Variants in EIF4G3 observed in about 807,000 individuals in gnomAD.
The protein encoded by EIF4G3 is eIF-4-gamma 3.
Under a neutral mutation model 186.4 loss-of-function variants are expected in EIF4G3, and 34 were observed. The ratio of observed to expected loss-of-function variants is 0.18; its 90% confidence interval spans 0.14 to 0.24. The LOEUF is 0.24. Among genes scored for constraint, EIF4G3 ranks in the 10% least tolerant of loss-of-function variants. The pLI, the probability that EIF4G3 is intolerant of heterozygous loss-of-function variation, is 1.00. For missense variants in EIF4G3, 1,536 were observed against 1,948.5 expected, an observed-to-expected ratio of 0.79 and a Z score of 3.99; for synonymous variants, 673 against 679.5, an observed-to-expected ratio of 0.99 and a Z score of 0.15.
At chr1:21,121,276 G>A (rs1312326475) in intron 2 of EIF4G3, among the ~76,000 whole-genome samples, 1 of 152,040 alleles carries the variant, frequency 6.6e-6, no homozygotes, top group Non-Finnish European at 1.5e-5. Flanking sequence ...ATTATTAAAG[G>A]AGAGCTTCCA....
intron 2 of EIF4G3, among the ~76,000 whole-genome samples, chr1:21,097,818 T>C (rs1311695447): frequency 6.6e-6 from 1 of 152,176 alleles, no homozygotes; most frequent in African/African-American, 2.4e-5. Context: ...TAATTCAAAA[T>C]GTGTGGATCT....
At chr1:20,913,146 G>A (rs957715852) in intron 14 of EIF4G3, among the ~76,000 whole-genome samples, 3 of 152,164 alleles carry the variant, frequency 2.0e-5, no homozygotes, top group African/African-American at 7.2e-5. Context: ...CCCATGGTAT[G>A]ACAAAATCTT....
intron 10 of EIF4G3, among the ~76,000 whole-genome samples, chr1:20,973,375 T>C (rs753366069): frequency 1.5e-4 from 23 of 152,254 alleles, no homozygotes; most frequent in Non-Finnish European, 3.2e-4. Context: ...GTTGTCTTTC[T>C]AAAACATGGA....
At chr1:20,999,361 T>C (rs185384149) in intron 6 of EIF4G3, 26 of 399,022 alleles carry the variant, frequency 6.5e-5, no homozygotes, top group Non-Finnish European at 9.1e-5. Flanking sequence ...ACTTCTACTA[T>C]GGACAAGAAC....
At chr1:21,150,408 A>T (rs2097531197) in intron 2 of EIF4G3, among the ~76,000 whole-genome samples, 1 of 152,252 alleles carries the variant, frequency 6.6e-6, no homozygotes, top group Admixed American at 6.5e-5. Context: ...TCATGGCGTC[A>T]TGAAAAATTT....
chr1:21,024,718 T>A (rs2091771556), intron 4 of EIF4G3, among the ~76,000 whole-genome samples: 1 of 149,276 alleles, frequency 6.7e-6, no homozygotes, highest in Non-Finnish European at 1.5e-5. Flanking sequence ...TCATCACCAA[T>A]CCCTAATCTC....
chr1:20,976,271 A>C (rs1288614477), intron 10 of EIF4G3, among the ~76,000 whole-genome samples: 4 of 151,962 alleles, frequency 2.6e-5, no homozygotes, highest in Non-Finnish European at 5.9e-5. Flanking sequence ...AGTGTGCTGC[A>C]CCCATCAACT....
intron 12 of EIF4G3, among the ~76,000 whole-genome samples, chr1:20,956,116 G>T (rs1016650992): frequency 6.6e-6 from 1 of 152,116 alleles, no homozygotes; most frequent in African/African-American, 2.4e-5. Flanking sequence ...ATTACAGGAT[G>T]TAAGGACTAC....
intron 2 of EIF4G3, among the ~76,000 whole-genome samples, chr1:21,115,951 T>C (rs2096813151): frequency 6.6e-6 from 1 of 152,074 alleles, no homozygotes; most frequent in Non-Finnish European, 1.5e-5. Flanking sequence ...CTAGAACTCC[T>C]GGCCTTAACC....
At chr1:20,901,743 TG>T (rs1189221275) in intron 15 of EIF4G3, among the ~76,000 whole-genome samples, 1 of 152,308 alleles carries the variant, frequency 6.6e-6, no homozygotes, top group East Asian at 1.9e-4. Flanking sequence ...TAAATATTTA[TG>T]GGTTTTTTTT....
Position 21,082,977 on chromosome 1 carries a change from G to A in EIF4G3, c.-196+6161C>T, listed in dbSNP as rs537665276. 1.3e-4 allele frequency among the ~76,000 whole-genome samples: 19 copies of A among 144,946 alleles called. No individual in the cohort carries two copies. In the East Asian group the frequency reaches 3.6e-3, roughly 27 times the overall value. On this transcript the variant is annotated intron_variant, in intron 3 of 36. Coordinates refer to ENST00000602326, the MANE Select transcript of EIF4G3 (RefSeq NM_001391906.1). ...GGCATGAACCTGGGAGGGGGAGCTT[G>A]CAGTGAGCCGAGATCTCGCCACTGC...
At chr1:20,831,275 T>C (rs542090768) in intron 30 of EIF4G3, among the ~76,000 whole-genome samples, 1 of 92,410 alleles carries the variant, frequency 1.1e-5, no homozygotes. Context: ...AAGAAAAATA[T>C]TAATTTTTTT....
intron 16 of EIF4G3, among the ~76,000 whole-genome samples, chr1:20,896,890 G>A (rs1020700665): frequency 1.3e-5 from 2 of 152,182 alleles, no homozygotes; most frequent in Non-Finnish European, 2.9e-5. Context: ...TGCTGTACAG[G>A]TTTGCAGCCT....
chr1:21,001,144 C>A (rs1395508), intron 6 of EIF4G3, 55 bp downstream of exon 6: 4 of 468,912 alleles, frequency 8.5e-6, no homozygotes, highest in South Asian at 4.7e-5. Context: ...GTCAAAAATA[C>A]TAAGTGCCAG....
chr1:20,853,277 G>A (rs574190323), intron 27 of EIF4G3, among the ~76,000 whole-genome samples: 1 of 152,292 alleles, frequency 6.6e-6, no homozygotes, highest in East Asian at 1.9e-4. Context: ...GGTGCTTCTA[G>A]AACATCTGGA....
intron 20 of EIF4G3, among the ~76,000 whole-genome samples, chr1:20,873,427 A>G (rs980429255): frequency 6.6e-6 from 1 of 152,232 alleles, no homozygotes; most frequent in African/African-American, 2.4e-5. Context: ...TTTAGTATAT[A>G]ATGCTAAACA....
intron 2 of EIF4G3, among the ~76,000 whole-genome samples, chr1:21,100,717 T>A (rs2096496328): frequency 6.6e-6 from 1 of 151,852 alleles, no homozygotes; most frequent in African/African-American, 2.4e-5. Context: ...ATCCCATCTC[T>A]TACAAAAAAA....
At chr1:21,096,709 A>G (rs559819161) in intron 2 of EIF4G3, among the ~76,000 whole-genome samples, 2 of 152,222 alleles carry the variant, frequency 1.3e-5, no homozygotes, top group Non-Finnish European at 2.9e-5. Flanking sequence ...CAGACTTTAA[A>G]AAGCTATCTT....
At chr1:21,080,759 C>T (rs1241377873) in intron 3 of EIF4G3, among the ~76,000 whole-genome samples, 1 of 152,184 alleles carries the variant, frequency 6.6e-6, no homozygotes, top group Admixed American at 6.5e-5. Flanking sequence ...CTGCCCACCT[C>T]AGCCTCCCAA....
Sources: gnomAD v4.1 joint callset for allele counts (sites outside exome capture counted in the v4.1 genomes callset) on GRCh38, gnomAD v4.1.1 for gene constraint, MANE v1.5 for transcripts, NCBI Gene and HGNC (gene_info 2026-07-23, HGNC 2026-07-21) for gene names.